The following NTM variants were observed in gnomAD, a reference collection of about 807,000 sequenced individuals.
NTM encodes the protein neurotrimin.
In NTM, 13 loss-of-function variants were observed where a neutral mutation model predicts 42.1. The ratio of observed to expected loss-of-function variants is 0.31; its 90% CI spans 0.20 to 0.49. The LOEUF (loss-of-function observed/expected upper bound fraction) is 0.49. Among genes scored for constraint, NTM ranks in the 20% least tolerant of loss-of-function variants. The pLI is 0.99. For missense variants in NTM, 373 were observed against 452.8 expected, an observed-to-expected ratio of 0.82 and a Z score of 1.60; for synonymous variants, 187 against 179.2, an observed-to-expected ratio of 1.04 and a Z score of -0.35.
At chr11:131,396,272 A>C (rs1302070734) in intron 1 of NTM, among the ~76,000 whole-genome samples, 1 of 152,196 alleles carries the variant, frequency 6.6e-6, no homozygotes, top group Non-Finnish European at 1.5e-5. Context: ...TAAGGGTTAA[A>C]TCTATAAAAT....
chr11:131,957,150 A>G (rs1011811461), intron 2 of NTM, among the ~76,000 whole-genome samples: 2 of 152,218 alleles, frequency 1.3e-5, no homozygotes, highest in Non-Finnish European at 2.9e-5. Context: ...TATTTTTGTG[A>G]AAGTCTTGTT....
At chr11:131,814,911 A>G (rs961234262) in intron 1 of NTM, among the ~76,000 whole-genome samples, 7 of 152,078 alleles carry the variant, frequency 4.6e-5, no homozygotes, top group African/African-American at 1.4e-4. Flanking sequence ...AGCTTCCTAT[A>G]TATCTCTCCA....
In NTM at chr11:131,805,715, C is replaced by A. The variant is rs562141245; in HGVS notation, c.83-105849C>A. On this transcript the variant is annotated intron_variant, in intron 1 of 8. Coordinates refer to ENST00000683400, the MANE Select transcript of NTM (RefSeq NM_001352005.2). ...ATGACTTCAGCATATTCATACACTT[C>A]TTTATTGTCAATAATAGAACAAAAC... 4.0e-3 allele frequency among the ~76,000 whole-genome samples: 616 copies of A among 152,230 alleles called. 5 individuals are homozygous for A. Among genetic ancestry groups the A allele is most frequent in the Non-Finnish European group, 6.6e-3 (449 of 68,010 alleles).
At chr11:132,071,523 A>T (rs1291970755) in intron 2 of NTM, among the ~76,000 whole-genome samples, 2 of 152,228 alleles carry the variant, frequency 1.3e-5, no homozygotes, top group Admixed American at 1.3e-4. Context: ...CAGTGAGGAG[A>T]TCATTTGATT....
intron 1 of NTM, among the ~76,000 whole-genome samples, chr11:131,876,652 A>G (rs772347652): frequency 5.9e-5 from 9 of 152,216 alleles, no homozygotes; most frequent in Non-Finnish European, 1.2e-4. Context: ...ACCACCATTG[A>G]AGAGATATCA....
intron 2 of NTM, among the ~76,000 whole-genome samples, chr11:132,060,733 T>C (rs893403723): frequency 3.3e-5 from 5 of 152,230 alleles, no homozygotes; most frequent in Admixed American, 2.0e-4. Context: ...GCTTGTGTTA[T>C]CTTTTCATGA....
intron 3 of NTM, among the ~76,000 whole-genome samples, chr11:132,152,265 G>A (rs530511015): frequency 3.9e-5 from 6 of 152,334 alleles, no homozygotes; most frequent in East Asian, 1.9e-4. Context: ...GAGCTCTGCA[G>A]ATCTTTGCAC....
intron 1 of NTM, among the ~76,000 whole-genome samples, chr11:131,581,675 T>C (rs919429857): frequency 1.3e-5 from 2 of 152,194 alleles, no homozygotes; most frequent in African/African-American, 4.8e-5. Flanking sequence ...TTTGGTTTGA[T>C]TACTGAACAC....
At chr11:132,261,394 T>TG (rs995134297) in intron 4 of NTM, among the ~76,000 whole-genome samples, 19 of 152,126 alleles carry the variant, frequency 1.2e-4, no homozygotes, top group African/African-American at 4.6e-4. Context: ...TGAGTGCACC[T>TG]GGGGGGCACA....
intron 1 of NTM, among the ~76,000 whole-genome samples, chr11:131,735,942 C>T (rs1199473190): frequency 1.3e-5 from 2 of 151,922 alleles, no homozygotes; most frequent in Non-Finnish European, 2.9e-5. Context: ...AAGAGATTCA[C>T]GTGCCTCAGC....
Position 132,162,186 on chromosome 11 carries a change from G to GAGTGTGTATGT in NTM, c.400+15672_400+15673insAGTGTGTATGT, listed in dbSNP as rs1352444231. ...ATAGTAGGGTATTTGTGTTTTGGGG[G>GAGTGTGTATGT]GAGTGTGTATGTGGGGGAAGATGTG... On this transcript the variant is annotated intron_variant, in intron 3 of 8. Coordinates refer to ENST00000683400, the MANE Select transcript of NTM (RefSeq NM_001352005.2). 5.2e-5 allele frequency among the ~76,000 whole-genome samples: 4 copies of GAGTGTGTATGT among 76,854 alleles called. No individual in the cohort carries two copies. The South Asian group carries it at 1.3e-3, about 25-fold the overall frequency. The allele number at this position is 76,854 out of a possible 152,430, so 50.4% of individuals were successfully genotyped here.
chr11:131,841,588 C>A (rs7938667), intron 1 of NTM, among the ~76,000 whole-genome samples: 7,871 of 152,026 alleles, frequency 0.052, 687 homozygotes, highest in African/African-American at 0.18. Flanking sequence ...CAGTCAAGGA[C>A]GAGAATTGCT....
At chr11:131,640,080 A>G (rs928533876) in intron 1 of NTM, among the ~76,000 whole-genome samples, 49 of 152,108 alleles carry the variant, frequency 3.2e-4, no homozygotes, top group African/African-American at 1.1e-3. Flanking sequence ...CCGGAGGAGG[A>G]TGGTGGCAGA....
intron 3 of NTM, among the ~76,000 whole-genome samples, chr11:132,198,119 T>C (rs1183827144): frequency 6.6e-6 from 1 of 152,212 alleles, no homozygotes; most frequent in Non-Finnish European, 1.5e-5. Flanking sequence ...CCACCAACAG[T>C]GTAAAAGTAT....
chr11:131,558,717 C>T (rs1051154907), intron 1 of NTM, among the ~76,000 whole-genome samples: 3 of 152,112 alleles, frequency 2.0e-5, no homozygotes, highest in East Asian at 1.9e-4. Flanking sequence ...CAAATGTTAT[C>T]GGAATAGCTA....
At chr11:131,553,449 T>C (rs1450797174) in intron 1 of NTM, among the ~76,000 whole-genome samples, 1 of 152,118 alleles carries the variant, frequency 6.6e-6, no homozygotes, top group Non-Finnish European at 1.5e-5. Flanking sequence ...TGCATGTCTG[T>C]TCCTTCTCTT....
chr11:132,086,152 G>C (rs368417203), intron 2 of NTM, among the ~76,000 whole-genome samples: 1 of 151,800 alleles, frequency 6.6e-6, no homozygotes, highest in Non-Finnish European at 1.5e-5. Flanking sequence ...GTGAAAACCC[G>C]TCTCTACTAA....
chr11:132,265,406 A>C (rs2093119592), intron 4 of NTM, among the ~76,000 whole-genome samples: 1 of 152,198 alleles, frequency 6.6e-6, no homozygotes, highest in Admixed American at 6.5e-5. Context: ...CTAATACGCT[A>C]AAGTTCATTT....
chr11:131,970,253 A>C (rs934761889), intron 2 of NTM, among the ~76,000 whole-genome samples: 1 of 152,148 alleles, frequency 6.6e-6, no homozygotes. Flanking sequence ...CAATTTTTCT[A>C]TGTTGACCTG....
Sources: allele counts gnomAD v4.1 joint callset (sites outside exome capture counted in the v4.1 genomes callset), GRCh38; gene constraint gnomAD v4.1.1; transcripts MANE v1.5; gene names NCBI Gene and HGNC (gene_info 2026-07-23, HGNC 2026-07-21).